WDR45B: variants seen among roughly 807,000 people sequenced by gnomAD.
WDR45B encodes the protein WD repeat domain phosphoinositide-interacting protein 3.
A neutral mutation model predicts 44.6 loss-of-function variants in WDR45B; 20 were observed. The observed-to-expected ratio is 0.45, with a 90% CI of 0.32 to 0.65. WDR45B has a LOEUF of 0.65. Among genes scored for constraint, WDR45B ranks in the 30% least tolerant of loss-of-function variants. The probability of loss-of-function intolerance (pLI) is 0.05; values close to 1 mark genes in which losing one functional copy is unlikely to be tolerated. For synonymous variants in WDR45B, 169 were observed against 164.9 expected (o/e 1.02, Z -0.19); for missense variants, 323 against 430.2 (o/e 0.75, Z 2.20).
intron 3 of WDR45B, among the ~76,000 whole-genome samples, chr17:82,630,167 TG>T (rs2045749051): frequency 6.6e-6 from 1 of 152,132 alleles, no homozygotes; most frequent in South Asian, 2.1e-4. Flanking sequence ...CATCCTCTGG[TG>T]TCTCTTCACT....
intron 7 of WDR45B, among the ~76,000 whole-genome samples, chr17:82,618,070 C>T (rs1379649340): frequency 2.6e-5 from 4 of 152,062 alleles, no homozygotes; most frequent in Non-Finnish European, 5.9e-5. Context: ...GCTGGGATTA[C>T]AGGCACACGC....
chr17:82,648,181 C>T, intron 1 of WDR45B, 93 bp downstream of exon 1: 1 of 1,436,314 alleles, frequency 7.0e-7, no homozygotes, highest in Non-Finnish European at 9.3e-7. Flanking sequence ...AAGGCCTGGC[C>T]GGAAAGGGGC....
Position 82,615,920 on chromosome 17 carries a change from C to T in WDR45B, c.1034G>A (p.Ter345=). 1.2e-6 allele frequency: 2 copies of T among 1,613,324 alleles called. No individual in the cohort carries two copies. Among genetic ancestry groups the T allele is most frequent in the Non-Finnish European group, 1.7e-6 (2 of 1,179,812 alleles). ...GTGCTGTGGCGCCCCCAGCTGGAGT[C>T]ACAGCTTGTCATCGGTCATCTCTAG... The part of the protein sequence containing the change: ...QFLEMTDDKL[*] The change falls in exon 10 of 10, where the codon TGA becomes TAA. Residue 345 remains the stop codon, a stop_retained_variant. Transcript: ENST00000392325.
chr17:82,642,345 C>T (rs1338288030), intron 2 of WDR45B, among the ~76,000 whole-genome samples: 1 of 152,218 alleles, frequency 6.6e-6, no homozygotes, highest in African/African-American at 2.4e-5. Flanking sequence ...CACGCTCCTC[C>T]TGAGACTCTA....
chr17:82,639,294 A>G lies in WDR45B; in HGVS notation c.142+4655T>C, dbSNP rs570666523. 1.2e-3 allele frequency among the ~76,000 whole-genome samples: 189 copies of G among 152,102 alleles called. 3 individuals are homozygous for G. Among genetic ancestry groups the G allele is most frequent in the African/African-American group, 4.4e-3 (183 of 41,386 alleles). Reference sequence around the variant, plus strand: ...CATTTTGAGGATGTGCCACAACCACAGTAATCACCCCTTTCATGAAAGTCA... The same window carrying G: ...CATTTTGAGGATGTGCCACAACCACGGTAATCACCCCTTTCATGAAAGTCA... On this transcript the variant is annotated intron_variant, in intron 2 of 9. Transcript: ENST00000392325.
At chr17:82,641,142 TTTG>T (rs2045910005) in intron 2 of WDR45B, among the ~76,000 whole-genome samples, 2 of 152,150 alleles carry the variant, frequency 1.3e-5, no homozygotes, top group South Asian at 4.2e-4. Context: ...ACTTTTTGTA[TTTG>T]TAGTAGAGAT....
In WDR45B at chr17:82,614,778, G is replaced by A. The variant is rs2045507959; in HGVS notation, c.*1141C>T. On this transcript the variant is annotated 3_prime_UTR_variant, in exon 10 of 10. Transcript: ENST00000392325. The stretch of plus-strand genomic sequence containing the variant: ...ACTCGCTGCTATGCAGGTTTTACAT[G>A]TTTGCAATCTGAAATCAAAACCATA... The A allele has an allele frequency of 6.6e-6, 1 of 152,200 alleles. No homozygotes were observed. Among genetic ancestry groups the A allele is most frequent in the Non-Finnish European group, 1.5e-5 (1 of 68,032 alleles). 9.4% of individuals were successfully genotyped at this position (152,200 alleles called of 1,614,324 possible). A position where few individuals can be genotyped will look rare whatever the true frequency, so the allele number is the denominator to read the frequency against.
intron 8 of WDR45B, 94 bp from the exon 9 acceptor site, chr17:82,616,739 G>GCTC: frequency 6.6e-7 from 1 of 1,505,366 alleles, no homozygotes; most frequent in Non-Finnish European, 9.2e-7. Context: ...ATACGAAAAT[G>GCTC]CTCCTTCATA....
At chr17:82,642,690 G>C (rs142177276) in intron 2 of WDR45B, among the ~76,000 whole-genome samples, 150 of 152,306 alleles carry the variant, frequency 9.8e-4, no homozygotes, top group African/African-American at 3.4e-3. Flanking sequence ...AGAACTGAAA[G>C]GACACCCAGC....
At position 82,615,174 on chromosome 17, in the gene WDR45B, C is replaced by A. The variant is rs1240639134; in HGVS notation, c.*745G>T. ...TAATCCAAAATGTAACCAGGAGACC[C>A]CCCGTCCCCGCCCCGCACACGCCTG... On this transcript the variant is annotated 3_prime_UTR_variant, in exon 10 of 10. Coordinates refer to ENST00000392325, the MANE Select transcript of WDR45B (RefSeq NM_019613.4). 1 of 152,672 alleles carries A rather than the reference C, an allele frequency of 6.5e-6. No homozygotes were observed. Among genetic ancestry groups the A allele is most frequent in the East Asian group, 1.9e-4 (1 of 5,188 alleles). 9.5% of individuals were successfully genotyped at this position (152,672 alleles called of 1,614,324 possible).
Position 82,621,494 on chromosome 17 carries a change from G to A in WDR45B, c.618+115C>T, listed in dbSNP as rs1030423705. 29 of 1,377,174 alleles carry A rather than the reference G, an allele frequency of 2.1e-5. No homozygotes were observed. In the African/African-American group the frequency reaches 3.9e-4, roughly 18 times the overall value. The allele number at this position is 1,377,174 out of a possible 1,614,324, so 85.3% of individuals were successfully genotyped here. A position where few individuals can be genotyped will look rare whatever the true frequency, so the allele number is the denominator to read the frequency against. ...CAGCCAGGTCCACAGGCCCCTGAGG[G>A]GCTCCAGGTTGGGGCAGGCCCACTG... On this transcript the variant is annotated intron_variant, in intron 6 of 9. Coordinates refer to ENST00000392325, the MANE Select transcript of WDR45B (RefSeq NM_019613.4).
intron 6 of WDR45B, 88 bp from the exon 7 acceptor site, chr17:82,619,216 G>C: frequency 8.1e-7 from 1 of 1,229,794 alleles, no homozygotes. Flanking sequence ...AAATCCATTA[G>C]TCCACACAAG....
In WDR45B at chr17:82,634,973, C is replaced by CTG. The variant is rs1326226624; in HGVS notation, c.143-3952_143-3951insCA. Among the ~76,000 whole-genome samples, 13 of 151,912 alleles carry CTG rather than the reference C, an allele frequency of 8.6e-5. 1 individual carries two copies. The highest frequency in any genetic ancestry group is 3.2e-4 in the African/African-American group (13 of 41,224). Reference sequence around the variant, plus strand: ...ATTCACGGGAAGTCCCTACAGCAGTCAAGTTCATGGAGACAGAAAAGTAGC... The same window carrying CTG: ...ATTCACGGGAAGTCCCTACAGCAGTCTGAAGTTCATGGAGACAGAAAAGTAGC... On this transcript the variant is annotated intron_variant, in intron 2 of 9. Coordinates refer to ENST00000392325, the MANE Select transcript of WDR45B (RefSeq NM_019613.4).
chr17:82,619,039 T>G lies in WDR45B; in HGVS notation c.704+4A>C. On this transcript the variant is annotated splice_donor_region_variant and intron_variant, in intron 7 of 9. Coordinates refer to ENST00000392325, the MANE Select transcript of WDR45B (RefSeq NM_019613.4). ...TTCTCCGGTGAAGTTGGAGGTGCCC[T>G]TACCAGTAAATATTGGCTGCTTGAG... The G allele has an allele frequency of 6.2e-7, 1 of 1,614,064 alleles. No individual in the cohort carries two copies. Among genetic ancestry groups the G allele is most frequent in the Non-Finnish European group, 8.5e-7 (1 of 1,179,926 alleles).
intron 3 of WDR45B, among the ~76,000 whole-genome samples, chr17:82,630,354 G>T (rs2045751805): frequency 6.6e-6 from 1 of 150,624 alleles, no homozygotes; most frequent in South Asian, 2.1e-4. Flanking sequence ...TCCATTCCTG[G>T]ATCTTTCGCC....
At chr17:82,620,459 A>C (rs974432507) in intron 6 of WDR45B, among the ~76,000 whole-genome samples, 6 of 139,920 alleles carry the variant, frequency 4.3e-5, no homozygotes, top group Admixed American at 2.2e-4. Context: ...CAAAACAAAA[A>C]CTACCTAGAA....
At chr17:82,622,999 G>T (rs1436463889) in intron 5 of WDR45B, among the ~76,000 whole-genome samples, 1 of 152,192 alleles carries the variant, frequency 6.6e-6, no homozygotes, top group Non-Finnish European at 1.5e-5. Context: ...TTTAACTTTA[G>T]ATGAAAAGCT....
chr17:82,621,528 G>A (rs2045616610), intron 6 of WDR45B, 81 bp downstream of exon 6: 5 of 1,591,446 alleles, frequency 3.1e-6, no homozygotes, highest in Non-Finnish European at 4.3e-6. Context: ...TGCCTTTTGA[G>A]TCTTGATACA....
At chr17:82,629,524 G>A in intron 3 of WDR45B, 1 of 985,492 alleles carries the variant, frequency 1.0e-6, no homozygotes, top group Non-Finnish European at 1.2e-6. Context: ...AGCTGGCACA[G>A]ACAAACCTTG....
Sources: gnomAD v4.1 joint callset for allele counts (sites outside exome capture counted in the v4.1 genomes callset) on GRCh38, gnomAD v4.1.1 for gene constraint, MANE v1.5 for transcripts, NCBI Gene and HGNC (gene_info 2026-07-23, HGNC 2026-07-21) for gene names.